The following ATP2A1 variants were observed in gnomAD, a reference collection of about 807,000 sequenced individuals.
ATP2A1 encodes ATPase sarcoplasmic/endoplasmic reticulum Ca2+ transporting 1.
ATP2A1 carries 83 observed loss-of-function variants against 109.5 expected under a neutral mutation model. The ratio of observed to expected loss-of-function variants is 0.76; its 90% CI spans 0.63 to 0.91. ATP2A1 has a LOEUF of 0.91. Ranked by LOEUF, ATP2A1 falls within the 40% of genes least tolerant of loss-of-function variation. The pLI is 0.00. For missense variants in ATP2A1, 1,101 were observed against 1,341.0 expected (o/e 0.82, Z 2.80); for synonymous variants, 505 against 537.6 (o/e 0.94, Z 0.84).
chr16:28,898,307 G>A lies in ATP2A1; in HGVS notation c.1620G>A (p.Pro540=), dbSNP rs184560545. Residue 540 remains proline (P), a synonymous_variant, in exon 14 of 23, where the codon CCG becomes CCA. Coordinates refer to ENST00000395503, the MANE Select transcript of ATP2A1 (RefSeq NM_004320.6). The surrounding 1 kb of genome is among the most constrained non-coding windows in gnomAD (Gnocchi z 4.0). ...CCACCCGGGTGCCACTGACGGGGCC[G>A]GTGAAGGAAAAGATCATGGCGGTGA... ...VGTTRVPLTG[P]VKEKIMAVIK... The A allele has an allele frequency of 2.4e-5, 39 of 1,614,226 alleles. No individual in the cohort carries two copies. Among genetic ancestry groups the A allele is most frequent in the East Asian group, 2.0e-4 (9 of 44,890 alleles).
rs886051884 is a variant in ATP2A1, at chr16:28,904,345, G to A, written c.*203G>A. The stretch of plus-strand genomic sequence containing the variant: ...GTCCCCTTCCCTTTCCTTCCCCCTC[G>A]GCCACCCGCCTCCCTCTCAACCTTG... On this transcript the variant is annotated 3_prime_UTR_variant, in exon 23 of 23. Transcript: ENST00000395503. 2.3e-5 allele frequency: 36 copies of A among 1,548,398 alleles called. 1 individual carries two copies. Among genetic ancestry groups the A allele is most frequent in the Non-Finnish European group, 2.9e-5 (33 of 1,152,004 alleles).
chr16:28,901,842 C>A, intron 15 of ATP2A1, 21 bp from the exon 16 acceptor site: 1 of 1,608,492 alleles, frequency 6.2e-7, no homozygotes, highest in Non-Finnish European at 8.5e-7. Flanking sequence ...GCCCTAAGCC[C>A]ACCTTCTCCT....
At chr16:28,884,277 T>G (rs529534710) in intron 5 of ATP2A1, among the ~76,000 whole-genome samples, 27 of 152,288 alleles carry the variant, frequency 1.8e-4, no homozygotes, top group Admixed American at 1.3e-3. Flanking sequence ...GCAGTACACC[T>G]GCCCATCCCT....
intron 8 of ATP2A1, among the ~76,000 whole-genome samples, chr16:28,888,535 G>A (rs1963682545): frequency 6.6e-6 from 1 of 151,844 alleles, no homozygotes. Context: ...CAGCCTCCTG[G>A]GTAACTGGTA....
At chr16:28,887,941 C>T (rs917637670) in intron 8 of ATP2A1, among the ~76,000 whole-genome samples, 7 of 152,208 alleles carry the variant, frequency 4.6e-5, no homozygotes, top group African/African-American at 1.7e-4. Context: ...GCTGGGACTA[C>T]AGGTGCACGC....
Position 28,880,867 on chromosome 16 carries a change from T to A in ATP2A1, c.220-48T>A. On this transcript the variant is annotated intron_variant, in intron 3 of 22. Coordinates refer to ENST00000395503, the MANE Select transcript of ATP2A1 (RefSeq NM_004320.6). This position sits in a 1 kb window ranked among gnomAD's most constrained non-coding sequence, Gnocchi z 4.2. ...CAGTGGTCCACTTCCTTTCTCCATC[T>A]GTTTTGGGGCCTCATTACCTGTCAT... 1 of 1,535,962 alleles carries A rather than the reference T, an allele frequency of 6.5e-7. No individual in the cohort carries two copies. The highest frequency in any genetic ancestry group is 9.0e-7 in the Non-Finnish European group (1 of 1,108,926).
intron 9 of ATP2A1, among the ~76,000 whole-genome samples, chr16:28,890,099 G>C (rs181843249): frequency 6.6e-6 from 1 of 151,920 alleles, no homozygotes; most frequent in Non-Finnish European, 1.5e-5. Context: ...CCGAGATCGC[G>C]CCACTGCACT....
At position 28,902,341 on chromosome 16, in the gene ATP2A1, C is replaced by T; in HGVS notation, c.2479C>T (p.Pro827Ser). The change falls in exon 17 of 23, where the codon CCC becomes TCC. Residue 827 changes from proline (P) to serine (S), a missense_variant. Physicochemically the swap from Pro to Ser is moderately conservative, Grantham distance 74. Transcript: ENST00000395503. This position sits in a 1 kb window ranked among gnomAD's most constrained non-coding sequence, Gnocchi z 4.8. ...CCGCCCCCCCCGGAGCCCCAAGGAG[C>T]CCCTCATCAGTGGCTGGCTCTTCTT... ...MDRPPRSPKEPLISGWLFFRY... is the reference protein window; with the variant it reads ...MDRPPRSPKESLISGWLFFRY... The T allele has an allele frequency of 3.7e-6, 6 of 1,614,076 alleles. No individual in the cohort carries two copies. In the South Asian group the frequency reaches 4.4e-5, roughly 12 times the overall value.
chr16:28,887,303 A>T (rs759324555), intron 7 of ATP2A1, 29 bp downstream of exon 7: 1 of 1,613,276 alleles, frequency 6.2e-7, no homozygotes, highest in East Asian at 2.2e-5. Flanking sequence ...GCCATCACAC[A>T]CTCAGTCAAG....
intron 8 of ATP2A1, 139 bp downstream of exon 8, chr16:28,887,861 C>A: frequency 1.7e-6 from 2 of 1,149,876 alleles, no homozygotes; most frequent in Non-Finnish European, 2.5e-6. Context: ...AGTGCAGTGG[C>A]GTGATCTCGG....
chr16:28,899,622 G>A (rs1192766656), intron 14 of ATP2A1, among the ~76,000 whole-genome samples: 7 of 118,640 alleles, frequency 5.9e-5, no homozygotes, highest in African/African-American at 2.1e-4. Context: ...CTGGGCAACA[G>A]AGCGAGACTC....
In ATP2A1 at chr16:28,899,650, C is replaced by T. The variant is rs1434746448; in HGVS notation, c.1765-931C>T. ...CGAGACTCCATCCCCTGCGCCCGCC[C>T]CCCCCCCCCCGAAAAAGACACAATT... is the stretch of plus-strand genomic sequence containing the variant. On this transcript the variant is annotated intron_variant, in intron 14 of 22. Transcript: ENST00000395503. 4.7e-5 allele frequency among the ~76,000 whole-genome samples: 5 copies of T among 106,778 alleles called. 1 individual carries two copies. Among genetic ancestry groups the T allele is most frequent in the South Asian group, 5.8e-4 (1 of 1,710 alleles). The allele number at this position is 106,778 out of a possible 152,430, so 70.1% of individuals were successfully genotyped here.
Position 28,882,484 on chromosome 16 carries a change from A to C in ATP2A1, c.358A>C (p.Lys120Gln). 1 of 1,614,156 alleles carries C rather than the reference A, an allele frequency of 6.2e-7. No homozygotes were observed. Among genetic ancestry groups the C allele is most frequent in the Non-Finnish European group, 8.5e-7 (1 of 1,180,008 alleles). The part of the protein sequence containing the change: ...RNAENAIEAL[K>Q]EYEPEMGKVY... ...CGCAGAGAACGCCATCGAGGCCCTGAAGGAGTATGAGCCAGAGATGGGGAA... is the reference window on the plus strand; with the variant it reads ...CGCAGAGAACGCCATCGAGGCCCTGCAGGAGTATGAGCCAGAGATGGGGAA... Residue 120 changes from lysine (K) to glutamine (Q), a missense_variant, in exon 5 of 23, where the codon AAG (lysine) becomes CAG (glutamine). Lys to Gln is a moderately conservative substitution (Grantham distance 53). Transcript: ENST00000395503.
rs112262084 is a variant in ATP2A1, at chr16:28,884,350, C to T, written c.464-225C>T. Reference sequence around the variant, plus strand: ...TTCAAGACCAGCCTGAGCAACAGAGCGAGACTCCATCTCGCCGTGGACACG... The same window carrying T: ...TTCAAGACCAGCCTGAGCAACAGAGTGAGACTCCATCTCGCCGTGGACACG... On this transcript the variant is annotated intron_variant, in intron 5 of 22. Coordinates refer to ENST00000395503, the MANE Select transcript of ATP2A1 (RefSeq NM_004320.6). Among the ~76,000 whole-genome samples, 7,821 of 152,150 alleles carry T rather than the reference C, an allele frequency of 0.051. 687 individuals are homozygous for T. The highest frequency in any genetic ancestry group is 0.18 in the African/African-American group (7,405 of 41,452).
intron 6 of ATP2A1, 73 bp from the exon 7 acceptor site, chr16:28,887,114 GGA>G: frequency 2.0e-6 from 3 of 1,474,434 alleles, no homozygotes; most frequent in Non-Finnish European, 2.8e-6. Context: ...TGCTGAGCAG[GGA>G]GAGAGTTAGG....
chr16:28,881,372 C>A, intron 4 of ATP2A1: 1 of 386,908 alleles, frequency 2.6e-6, no homozygotes, highest in Non-Finnish European at 4.9e-6. Flanking sequence ...ACTGACCTGA[C>A]CACCCCCTAC....
chr16:28,898,430 T>C lies in ATP2A1; in HGVS notation c.1743T>C (p.Ser581=). ...GAGAGGAAATGGTCCTGGATGACTC[T>C]GCCAGGTTCCTGGAGTATGAGGTAA... is the stretch of plus-strand genomic sequence containing the variant. The part of the protein sequence containing the change: ...PKREEMVLDD[S]ARFLEYETDL... Residue 581 remains serine, a synonymous_variant, in exon 14 of 23, where the codon TCT becomes TCC. Coordinates refer to ENST00000395503, the MANE Select transcript of ATP2A1 (RefSeq NM_004320.6). The surrounding 1 kb of genome is among the most constrained non-coding windows in gnomAD (Gnocchi z 4.0). 1 of 1,613,680 alleles carries C rather than the reference T, an allele frequency of 6.2e-7. No individual in the cohort carries two copies. The highest frequency in any genetic ancestry group is 8.5e-7 in the Non-Finnish European group (1 of 1,180,004).
At chr16:28,887,320 G>A in intron 7 of ATP2A1, 46 bp downstream of exon 7, 1 of 1,612,926 alleles carries the variant, frequency 6.2e-7, no homozygotes, top group South Asian at 1.1e-5. Context: ...CAAGCCAGGT[G>A]CCCGGGTTGG....
chr16:28,880,236 C>A lies in ATP2A1; in HGVS notation c.219+653C>A. Reference sequence around the variant, plus strand: ...GCCCTGGGGGCTACTCCCCATCCCGCGGTCCATCTGCATGTCGCGGGTTCT... The same window carrying A: ...GCCCTGGGGGCTACTCCCCATCCCGAGGTCCATCTGCATGTCGCGGGTTCT... On this transcript the variant is annotated intron_variant, in intron 3 of 22. Transcript: ENST00000395503. This position sits in a 1 kb window ranked among gnomAD's most constrained non-coding sequence, Gnocchi z 4.2. 2.9e-6 allele frequency: 2 copies of A among 679,692 alleles called. No individual in the cohort carries two copies. The highest frequency in any genetic ancestry group is 3.7e-6 in the Non-Finnish European group (2 of 546,762). 42.1% of individuals were successfully genotyped at this position (679,692 alleles called of 1,614,324 possible). A position where few individuals can be genotyped will look rare whatever the true frequency, so the allele number is the denominator to read the frequency against.
Sources: gnomAD v4.1 joint callset for allele counts (sites outside exome capture counted in the v4.1 genomes callset) on GRCh38, gnomAD v4.1.1 for gene constraint, Gnocchi (gnomAD v3.1) non-coding constraint, MANE v1.5 for transcripts, NCBI Gene and HGNC (gene_info 2026-07-23, HGNC 2026-07-21) for gene names.